The following RBPMS2 variants were observed in gnomAD, a reference collection of about 807,000 sequenced individuals.
RBPMS2 encodes RNA binding protein, mRNA processing factor 2.
RBPMS2 carries 14 observed loss-of-function variants against 25.7 expected under a neutral mutation model. The ratio of observed to expected loss-of-function variants is 0.55; its 90% CI spans 0.36 to 0.85. The LOEUF (loss-of-function observed/expected upper bound fraction) is 0.85. Ranked by LOEUF, RBPMS2 falls within the 40% of genes least tolerant of loss-of-function variation. RBPMS2 has a pLI of 0.01. For synonymous variants in RBPMS2, 127 were observed against 115.6 expected (o/e 1.10, Z -0.63); for missense variants, 252 against 283.4 (o/e 0.89, Z 0.80).
At chr15:64,753,371 GA>G (rs1393874436) in intron 1 of RBPMS2, among the ~76,000 whole-genome samples, 1 of 152,184 alleles carries the variant, frequency 6.6e-6, no homozygotes, top group African/African-American at 2.4e-5. Flanking sequence ...ATGGCCCGCT[GA>G]CCCCAGACAA....
Position 64,748,546 on chromosome 15 carries a change from A to G in RBPMS2, c.440T>C (p.Leu147Pro). Residue 147 changes from leucine (L) to proline (P), a missense_variant, in exon 6 of 8, where the codon CTG becomes CCG. Leu to Pro is a moderately conservative substitution (Grantham distance 98, BLOSUM62 -3). Coordinates refer to ENST00000300069, the MANE Select transcript of RBPMS2 (RefSeq NM_194272.3). ...RDPYDLMGAA[L>P]IPASPEAWAP... The stretch of plus-strand genomic sequence containing the variant: ...CCAGGCCTCTGGGGATGCAGGGATC[A>G]GAGCAGCCCCCATCAGGTCATCTAC... 6.3e-7 allele frequency: 1 copy of G among 1,577,548 alleles called. No individual in the cohort carries two copies. The highest frequency in any genetic ancestry group is 8.6e-7 in the Non-Finnish European group (1 of 1,162,206).
At chr15:64,771,395 T>G (rs1237939702) in intron 1 of RBPMS2, among the ~76,000 whole-genome samples, 2 of 152,196 alleles carry the variant, frequency 1.3e-5, no homozygotes, top group African/African-American at 4.8e-5. Flanking sequence ...ATATAACCTA[T>G]GCACAGGCCG....
At chr15:64,745,322 T>C (rs551700065) in intron 6 of RBPMS2, among the ~76,000 whole-genome samples, 3 of 152,306 alleles carry the variant, frequency 2.0e-5, no homozygotes, top group East Asian at 3.9e-4. Context: ...AATACAATAA[T>C]AGCTCCTGCT....
chr15:64,741,531 G>A (rs1048160778), intron 6 of RBPMS2, among the ~76,000 whole-genome samples: 5 of 152,222 alleles, frequency 3.3e-5, no homozygotes, highest in Non-Finnish European at 7.3e-5. Flanking sequence ...ACTGGTGGGA[G>A]CCCTGGCAGC....
intron 1 of RBPMS2, among the ~76,000 whole-genome samples, chr15:64,755,757 G>A (rs150255678): frequency 0.014 from 2,136 of 152,238 alleles, 21 homozygotes; most frequent in Non-Finnish European, 0.022. Context: ...CGTGGGCTCC[G>A]CAGGCTGACC....
intron 1 of RBPMS2, among the ~76,000 whole-genome samples, chr15:64,759,609 A>T (rs1239784145): frequency 6.6e-6 from 1 of 152,076 alleles, no homozygotes; most frequent in Non-Finnish European, 1.5e-5. Context: ...TATCAGGAGC[A>T]CCCAAGACAC....
At chr15:64,757,795 T>C (rs998347202) in intron 1 of RBPMS2, among the ~76,000 whole-genome samples, 2 of 117,848 alleles carry the variant, frequency 1.7e-5, no homozygotes, top group African/African-American at 5.9e-5. Context: ...ACCTGGGCAA[T>C]ATAGCAAGGC....
At chr15:64,764,616 T>C (rs754178569) in intron 1 of RBPMS2, among the ~76,000 whole-genome samples, 3 of 152,166 alleles carry the variant, frequency 2.0e-5, no homozygotes, top group Non-Finnish European at 4.4e-5. Flanking sequence ...TGGCCACGAC[T>C]GTACAGCAAG....
At chr15:64,747,365 G>A (rs1418522959) in intron 6 of RBPMS2, among the ~76,000 whole-genome samples, 1 of 152,138 alleles carries the variant, frequency 6.6e-6, no homozygotes, top group East Asian at 1.9e-4. Flanking sequence ...TCTGGCTCCT[G>A]TGAACCCTCC....
At chr15:64,760,595 G>A (rs376003312) in intron 1 of RBPMS2, among the ~76,000 whole-genome samples, 1 of 151,966 alleles carries the variant, frequency 6.6e-6, no homozygotes, top group South Asian at 2.1e-4. Flanking sequence ...GAGGTCAGGA[G>A]TTCTAGACCA....
In RBPMS2 at chr15:64,741,036, C is replaced by A. The variant is rs1400683546; in HGVS notation, c.*8-36G>T. ...GGAGAGAGGCGGCCGTGAGCAGAGG[C>A]GTGGGACTAGAGCTAAAGCCAGGCC... On this transcript the variant is annotated intron_variant, in intron 7 of 7. Transcript: ENST00000300069. The A allele has an allele frequency of 8.0e-6, 5 of 624,892 alleles. No individual in the cohort carries two copies. The East Asian group carries it at 8.5e-5, about 11-fold the overall frequency. 38.7% of individuals were successfully genotyped at this position (624,892 alleles called of 1,614,324 possible). A position where few individuals can be genotyped will look rare whatever the true frequency, so the allele number is the denominator to read the frequency against.
At chr15:64,770,507 C>G (rs1281020856) in intron 1 of RBPMS2, among the ~76,000 whole-genome samples, 2 of 152,184 alleles carry the variant, frequency 1.3e-5, no homozygotes, top group East Asian at 3.8e-4. Flanking sequence ...CAGCCTCTCC[C>G]TTAGATTACT....
At chr15:64,760,564 AGATCCTTCTCCG>A (rs2141070221) in intron 1 of RBPMS2, among the ~76,000 whole-genome samples, 1 of 152,146 alleles carries the variant, frequency 6.6e-6, no homozygotes, top group South Asian at 2.1e-4. Flanking sequence ...CCTAGAAAAC[AGATCCTTCTCCG>A]GATCACCTGA....
At position 64,740,562 on chromosome 15, in the gene RBPMS2, T is replaced by G. The variant is rs567611347; in HGVS notation, c.*446A>C. The G allele has an allele frequency of 2.0e-5, 3 of 152,866 alleles. No individual in the cohort carries two copies. Among genetic ancestry groups the G allele is most frequent in the Non-Finnish European group, 4.4e-5 (3 of 68,238 alleles). The allele number at this position is 152,866 out of a possible 1,614,324, so 9.5% of individuals were successfully genotyped here. A position where few individuals can be genotyped will look rare whatever the true frequency, so the allele number is the denominator to read the frequency against. ...GAGAGGGGCAGGCAGGATGAACCAC[T>G]GGGAGCCAGGACCTGTCGCTATGGT... is the stretch of plus-strand genomic sequence containing the variant. On this transcript the variant is annotated 3_prime_UTR_variant, in exon 8 of 8. Coordinates refer to ENST00000300069, the MANE Select transcript of RBPMS2 (RefSeq NM_194272.3).
intron 1 of RBPMS2, among the ~76,000 whole-genome samples, chr15:64,752,307 G>C (rs567095340): frequency 3.3e-4 from 50 of 152,184 alleles, no homozygotes; most frequent in African/African-American, 9.9e-4. Flanking sequence ...TCCTGGTAGA[G>C]AGCCTCCAGT....
At chr15:64,761,770 T>C (rs2083790349) in intron 1 of RBPMS2, among the ~76,000 whole-genome samples, 1 of 146,098 alleles carries the variant, frequency 6.8e-6, no homozygotes, top group African/African-American at 2.5e-5. Flanking sequence ...TGGCATGATC[T>C]TGGCTCACTG....
At chr15:64,755,126 G>A (rs977928158) in intron 1 of RBPMS2, among the ~76,000 whole-genome samples, 8 of 152,106 alleles carry the variant, frequency 5.3e-5, no homozygotes, top group Admixed American at 6.6e-5. Flanking sequence ...CAGAGTTTCC[G>A]CTTGGGGTAG....
At chr15:64,747,228 A>G (rs1203686880) in intron 6 of RBPMS2, among the ~76,000 whole-genome samples, 1 of 152,164 alleles carries the variant, frequency 6.6e-6, no homozygotes, top group African/African-American at 2.4e-5. Context: ...CTAGGGTAGC[A>G]GCCCCTGAAT....
intron 1 of RBPMS2, among the ~76,000 whole-genome samples, chr15:64,754,415 C>G (rs1013538920): frequency 1.3e-5 from 2 of 152,132 alleles, no homozygotes; most frequent in African/African-American, 4.8e-5. Flanking sequence ...AGTTCAAGAC[C>G]AGCCTGACCA....
Sources: gnomAD v4.1 joint callset for allele counts (sites outside exome capture counted in the v4.1 genomes callset) on GRCh38, gnomAD v4.1.1 for gene constraint, MANE v1.5 for transcripts, NCBI Gene and HGNC (gene_info 2026-07-23, HGNC 2026-07-21) for gene names.